Variants in GCFC2 observed in about 807,000 individuals in gnomAD.
GCFC2 encodes the protein intron Large complex component GCFC2.
GCFC2 carries 102 observed loss-of-function variants against 99.4 expected under a neutral mutation model. The ratio of observed to expected loss-of-function variants is 1.03; its 90% CI spans 0.87 to 1.21. The LOEUF (loss-of-function observed/expected upper bound fraction) is 1.21. GCFC2 is among the 50% of genes most tolerant of loss of function. The probability of loss-of-function intolerance (pLI) is 0.00; values close to 1 mark genes in which losing one functional copy is unlikely to be tolerated. For synonymous variants in GCFC2, 338 were observed against 316.8 expected (o/e 1.07, Z -0.71); for missense variants, 973 against 920.9 (o/e 1.06, Z -0.73).
At chr2:75,712,820 G>A (rs1049700724), upstream of GCFC2, among the ~76,000 whole-genome samples, 3 of 152,136 alleles carry the variant, frequency 2.0e-5, no homozygotes, top group Admixed American at 2.0e-4. Context: ...CTCACCGCGA[G>A]GGTCCGCAGC....
intron 4 of GCFC2, chr2:75,697,455 C>G (rs1382010649): frequency 1.3e-5 from 2 of 152,330 alleles, no homozygotes; most frequent in Non-Finnish European, 2.9e-5. Flanking sequence ...AATGCTTTCT[C>G]AGACTTCCTC....
intron 11 of GCFC2, among the ~76,000 whole-genome samples, chr2:75,686,619 C>CT (rs1679828243): frequency 6.6e-6 from 1 of 152,102 alleles, no homozygotes; most frequent in Non-Finnish European, 1.5e-5. Flanking sequence ...TGGCACGCGC[C>CT]TGGAGTCCTA....
intron 5 of GCFC2, among the ~76,000 whole-genome samples, 169 bp downstream of exon 5, chr2:75,696,031 T>C (rs1680304800): frequency 1.3e-5 from 2 of 152,166 alleles, no homozygotes; most frequent in South Asian, 2.1e-4. Flanking sequence ...GGGGGACTAG[T>C]GTATACAAAA....
intron 4 of GCFC2, among the ~76,000 whole-genome samples, chr2:75,699,977 T>C (rs1038689700): frequency 2.0e-5 from 3 of 150,430 alleles, no homozygotes; most frequent in African/African-American, 7.3e-5. Context: ...CTTGGCTCAC[T>C]GCAGCCTTGA....
rs1301834857 is a variant in GCFC2, at chr2:75,710,607, G to C, written c.249C>G (p.Arg83=). ...SSRRATKAAP[R]ADEGSESRTL... is the part of the protein sequence containing the mutation. ...CCTGGACACCTGAGCCTTCGTCCGC[G>C]CGGGGAGCCGCTTTGGTGGCACGCC... Residue 83 remains arginine (R), a synonymous_variant, in exon 1 of 17, where the codon CGC becomes CGG. Transcript: ENST00000321027. 3.3e-6 allele frequency: 5 copies of C among 1,513,802 alleles called. No individual in the cohort carries two copies. The highest frequency in any genetic ancestry group is 4.1e-5 in the Admixed American group (2 of 49,378). The allele number at this position is 1,513,802 out of a possible 1,614,324, so 93.8% of individuals were successfully genotyped here.
intron 4 of GCFC2, among the ~76,000 whole-genome samples, chr2:75,698,295 C>G (rs1176067351): frequency 2.0e-5 from 3 of 152,046 alleles, no homozygotes; most frequent in Non-Finnish European, 4.4e-5. Flanking sequence ...TAATACAACT[C>G]TTGGCAATTA....
intron 12 of GCFC2, among the ~76,000 whole-genome samples, chr2:75,675,366 A>G (rs1679286734): frequency 6.8e-6 from 1 of 147,486 alleles, no homozygotes; most frequent in African/African-American, 2.7e-5. Flanking sequence ...ATCTTGGTAA[A>G]GGGAATATGG....
intron 2 of GCFC2, 54 bp downstream of exon 2, chr2:75,706,468 CA>C: frequency 8.5e-7 from 1 of 1,181,728 alleles, no homozygotes; most frequent in Non-Finnish European, 1.2e-6. Flanking sequence ...ATAACTATAT[CA>C]AAAACACTAT....
Position 75,680,289 on chromosome 2 carries a change from AG to A in GCFC2, c.1715del (p.Pro572LeufsTer10). ...AACTTGTTGTCTGTGAGGTTGACAA[AG>A]GATCCCAAAGGAATTCTACAAAGTC... Reference protein sequence around the residue: ...LTDFVEFLWDPLSTSQTTSLI... With the variant: ...LTDFVEFLWDXLSTSQTTSLI... On this transcript the variant is annotated frameshift_variant, in exon 12 of 17. Coordinates refer to ENST00000321027, the MANE Select transcript of GCFC2 (RefSeq NM_003203.5). LOFTEE classifies it high-confidence loss of function. 6.2e-7 allele frequency: 1 copy of A among 1,608,702 alleles called. No homozygotes were observed. The highest frequency in any genetic ancestry group is 8.5e-7 in the Non-Finnish European group (1 of 1,175,442).
In GCFC2 at chr2:75,687,986, G is replaced by T; in HGVS notation, c.1540-9C>A. ...AAACCTGTGGATTCCAACTTACAAA[G>T]AAAATTACAAAAGTTATAAAGAAAT... On this transcript the variant is annotated splice_polypyrimidine_tract_variant and intron_variant, in intron 10 of 16. Transcript: ENST00000321027. 6.6e-7 allele frequency: 1 copy of T among 1,520,752 alleles called. No homozygotes were observed. The highest frequency in any genetic ancestry group is 8.9e-7 in the Non-Finnish European group (1 of 1,124,930). The allele number at this position is 1,520,752 out of a possible 1,614,324, so 94.2% of individuals were successfully genotyped here.
In GCFC2 at chr2:75,664,720, G is replaced by C. The variant is rs768999556; in HGVS notation, c.2292C>G (p.Ser764=). 7.6e-6 allele frequency: 12 copies of C among 1,572,872 alleles called. 1 individual carries two copies. The East Asian group carries it at 2.7e-4, about 35-fold the overall frequency. ...VKIKALNQAE[S]FIGEHHLDHL... ...GGTCTAGGTGATGCTCTCCTATGAA[G>C]GATTCTGCTTGATTCAAAGCTTTTA... is the stretch of plus-strand genomic sequence containing the variant. The change falls in exon 17 of 17, where the codon TCC becomes TCG. Residue 764 remains serine (S), a synonymous_variant. Transcript: ENST00000321027.
chr2:75,701,333 T>A, intron 3 of GCFC2, 46 bp from the exon 4 acceptor site: 1 of 1,136,806 alleles, frequency 8.8e-7, no homozygotes. Flanking sequence ...ATTTTTCCAT[T>A]TTAATTGCAG....
chr2:75,706,438 TAG>T (rs1251127833), intron 2 of GCFC2, 83 bp downstream of exon 2: 16 of 864,846 alleles, frequency 1.9e-5, no homozygotes, highest in Admixed American at 1.2e-4. Flanking sequence ...CCCATGTCAC[TAG>T]AGTTTGTTAT....
intron 1 of GCFC2, among the ~76,000 whole-genome samples, 189 bp from the exon 2 acceptor site, chr2:75,706,840 G>A (rs1680893065): frequency 6.6e-6 from 1 of 151,748 alleles, no homozygotes; most frequent in Non-Finnish European, 1.5e-5. Context: ...AGTGTACAAA[G>A]ACCCTATTTG....
intron 1 of GCFC2, among the ~76,000 whole-genome samples, chr2:75,708,283 C>T (rs1364836710): frequency 2.0e-5 from 3 of 152,118 alleles, no homozygotes; most frequent in African/African-American, 7.2e-5. Flanking sequence ...TACTTACAGA[C>T]TGATTAATCA....
At chr2:75,671,301 C>A (rs932467318) in intron 14 of GCFC2, among the ~76,000 whole-genome samples, 1 of 152,192 alleles carries the variant, frequency 6.6e-6, no homozygotes, top group African/African-American at 2.4e-5. Context: ...CCATTCATGA[C>A]CATGGCTCCA....
upstream of GCFC2, among the ~76,000 whole-genome samples, chr2:75,713,106 A>T (rs1288026897): frequency 6.6e-6 from 1 of 152,140 alleles, no homozygotes; most frequent in Non-Finnish European, 1.5e-5. Context: ...TTTTCTCAAT[A>T]AACTGAAACT....
intron 15 of GCFC2, among the ~76,000 whole-genome samples, chr2:75,666,997 T>G (rs1678871950): frequency 6.6e-6 from 1 of 152,196 alleles, no homozygotes; most frequent in Non-Finnish European, 1.5e-5. Flanking sequence ...TCAATCTCTA[T>G]CTCATCTTTA....
chr2:75,709,626 C>T (rs1468008090), intron 1 of GCFC2, among the ~76,000 whole-genome samples: 1 of 152,084 alleles, frequency 6.6e-6, no homozygotes, highest in African/African-American at 2.4e-5. Context: ...GAATTCTATT[C>T]TACAACACGG....
Sources: allele counts gnomAD v4.1 joint callset (sites outside exome capture counted in the v4.1 genomes callset), GRCh38; gene constraint gnomAD v4.1.1; transcripts MANE v1.5; gene names NCBI Gene and HGNC (gene_info 2026-07-23, HGNC 2026-07-21).